Variants in TENM2 observed in about 807,000 individuals in gnomAD.
TENM2 encodes teneurin-2.
In TENM2, 52 loss-of-function variants were observed where a neutral mutation model predicts 245.2. The observed-to-expected ratio is 0.21, with a 90% CI of 0.17 to 0.27. TENM2 has a LOEUF of 0.27. Among genes scored for constraint, TENM2 ranks in the 10% least tolerant of loss-of-function variants. The pLI is 1.00. For synonymous variants in TENM2, 1,363 were observed against 1,438.9 expected (o/e 0.95, Z 1.19); for missense variants, 3,046 against 3,666.8 (o/e 0.83, Z 4.37).
intron 2 of TENM2, among the ~76,000 whole-genome samples, chr5:167,808,562 G>A (rs891031159): frequency 6.6e-6 from 1 of 152,132 alleles, no homozygotes; most frequent in Non-Finnish European, 1.5e-5. Context: ...GCCATGCCTG[G>A]AACTTCTGAA....
At chr5:167,821,621 A>G (rs1767534850) in intron 2 of TENM2, among the ~76,000 whole-genome samples, 1 of 152,144 alleles carries the variant, frequency 6.6e-6, no homozygotes, top group Non-Finnish European at 1.5e-5. Flanking sequence ...TTTTCCTCTT[A>G]TTTGGCTACA....
intron 1 of TENM2, among the ~76,000 whole-genome samples, chr5:167,333,283 T>A (rs1757561499): frequency 1.3e-5 from 2 of 152,158 alleles, no homozygotes; most frequent in South Asian, 4.1e-4. Context: ...CGCCTTTCTT[T>A]CTGTGAGACC....
the TENM2 span, among the ~76,000 whole-genome samples, chr5:167,248,287 A>G: frequency 0.89 from 134,454 of 151,780 alleles, 60,015 homozygotes; most frequent in Non-Finnish European, 0.94. Context: ...CTCTCTAAAT[A>G]TGTTTTTGTA....
chr5:167,732,983 C>T (rs1162775129), intron 2 of TENM2, among the ~76,000 whole-genome samples: 1 of 152,160 alleles, frequency 6.6e-6, no homozygotes, highest in Non-Finnish European at 1.5e-5. Context: ...CTCCATTAGT[C>T]TGAATTTTTT....
chr5:168,036,337 T>C (rs2151979924), intron 5 of TENM2, among the ~76,000 whole-genome samples: 1 of 152,270 alleles, frequency 6.6e-6, no homozygotes, highest in East Asian at 1.9e-4. Flanking sequence ...CATAAAACCC[T>C]TAAAATTAGC....
chr5:167,727,745 A>G (rs1369821535), intron 2 of TENM2, among the ~76,000 whole-genome samples: 1 of 152,216 alleles, frequency 6.6e-6, no homozygotes, highest in Non-Finnish European at 1.5e-5. Context: ...CTACAGCACC[A>G]TTATGCAGAT....
intron 5 of TENM2, among the ~76,000 whole-genome samples, chr5:168,007,185 G>A (rs1784888413): frequency 6.6e-6 from 1 of 151,562 alleles, no homozygotes; most frequent in Non-Finnish European, 1.5e-5. Context: ...GGAGTGCAGC[G>A]GCATGATCTC....
At chr5:167,591,641 T>C (rs1206479080) in intron 2 of TENM2, among the ~76,000 whole-genome samples, 3 of 152,250 alleles carry the variant, frequency 2.0e-5, no homozygotes, top group Non-Finnish European at 4.4e-5. Context: ...ATAGTAGCTC[T>C]ATAACATCTT....
intron 2 of TENM2, among the ~76,000 whole-genome samples, chr5:167,660,841 T>G (rs1485698078): frequency 1.3e-5 from 2 of 152,220 alleles, no homozygotes; most frequent in Non-Finnish European, 2.9e-5. Context: ...CCATATTTAT[T>G]CATTCATCAT....
chr5:168,251,512 A>G (rs1166545540), intron 27 of TENM2, among the ~76,000 whole-genome samples: 1 of 152,178 alleles, frequency 6.6e-6, no homozygotes, highest in Non-Finnish European at 1.5e-5. Context: ...CAAGGGAGAG[A>G]AGGAGCCGGA....
At chr5:167,515,125 G>C (rs1243362029) in intron 2 of TENM2, among the ~76,000 whole-genome samples, 1 of 152,150 alleles carries the variant, frequency 6.6e-6, no homozygotes, top group Admixed American at 6.5e-5. Flanking sequence ...AGGTATTTTT[G>C]CTCCTGTCCA....
chr5:167,888,099 C>T (rs964144242), intron 3 of TENM2, among the ~76,000 whole-genome samples: 2 of 152,156 alleles, frequency 1.3e-5, no homozygotes, highest in African/African-American at 4.8e-5. Context: ...CTGCAAATAA[C>T]TTCACAAGAT....
At chr5:167,073,655 A>G in the TENM2 span, among the ~76,000 whole-genome samples, 1 of 152,018 alleles carries the variant, frequency 6.6e-6, no homozygotes, top group Non-Finnish European at 1.5e-5. Flanking sequence ...CACCCCACCA[A>G]ATAATTTGGT....
At chr5:167,365,850 A>G (rs1161569321) in intron 1 of TENM2, among the ~76,000 whole-genome samples, 1 of 152,020 alleles carries the variant, frequency 6.6e-6, no homozygotes, top group Admixed American at 6.5e-5. Context: ...GTATCTTACA[A>G]TTATAGATGG....
the TENM2 span, among the ~76,000 whole-genome samples, chr5:166,997,463 A>C: frequency 6.6e-6 from 1 of 152,210 alleles, no homozygotes. Flanking sequence ...ACATGACTCC[A>C]GAACGTTCCT....
intron 12 of TENM2, among the ~76,000 whole-genome samples, chr5:168,154,472 G>T (rs139172823): frequency 1.3e-5 from 2 of 152,098 alleles, no homozygotes; most frequent in Non-Finnish European, 2.9e-5. Flanking sequence ...TGATCCACCC[G>T]CCTCAACCTC....
chr5:168,082,795 C>T (rs1032470215), intron 7 of TENM2, among the ~76,000 whole-genome samples: 54 of 152,268 alleles, frequency 3.5e-4, no homozygotes, highest in African/African-American at 1.2e-3. Flanking sequence ...AATGTTGCTG[C>T]CTGATCCTTC....
In TENM2 at chr5:167,837,036, A is replaced by G. The variant is rs116669083; in HGVS notation, c.503-38950A>G. 9.1e-3 allele frequency among the ~76,000 whole-genome samples: 1,367 copies of G among 150,902 alleles called. 18 individuals are homozygous for G. Among genetic ancestry groups the G allele is most frequent in the African/African-American group, 0.032 (1,306 of 41,078 alleles). On this transcript the variant is annotated intron_variant, in intron 2 of 28. Transcript: ENST00000518659. ...AAAAATGCAAAGAAAATTTCCTATA[A>G]TTCCATTTATAGTATATATGTATGC...
the TENM2 span, among the ~76,000 whole-genome samples, chr5:167,209,884 C>G: frequency 6.6e-6 from 1 of 152,294 alleles, no homozygotes; most frequent in East Asian, 1.9e-4. Context: ...ACTATATCAA[C>G]CCTCAGTGGC....
Sources: gnomAD v4.1 joint callset for allele counts (sites outside exome capture counted in the v4.1 genomes callset) on GRCh38, gnomAD v4.1.1 for gene constraint, MANE v1.5 for transcripts, NCBI Gene and HGNC (gene_info 2026-07-23, HGNC 2026-07-21) for gene names.